ZNF469: variants seen among roughly 807,000 people sequenced by gnomAD.
ZNF469 encodes zinc finger protein 469.
Under a neutral mutation model 1.0 loss-of-function variants are expected in ZNF469, and 1 was observed. That is an observed-to-expected ratio of 1.00 (90% CI 0.35 to 4.73). ZNF469 has a LOEUF of 4.73. Ranked by LOEUF, ZNF469 falls within the 30% of genes most tolerant of loss-of-function variation. ZNF469 has a pLI of 0.16. For missense variants in ZNF469, 6,100 were observed against 5,356.3 expected (o/e 1.14, Z -4.33); for synonymous variants, 2,703 against 2,363.4 (o/e 1.14, Z -4.17).
chr16:88,259,211 T>C, the ZNF469 span, among the ~76,000 whole-genome samples: 1 of 151,956 alleles, frequency 6.6e-6, no homozygotes, highest in Non-Finnish European at 1.5e-5. This position sits in a 1 kb window ranked among gnomAD's most constrained non-coding sequence, Gnocchi z 4.1. Context: ...GGCTTGTGAG[T>C]GGGAAGCAGT....
rs771953783 is a variant in ZNF469 at position 88,439,242 on chromosome 16, G to A, written c.11772G>A (p.Thr3924=). ...AEPAEPHTHR[T]AEAQSDLLSQ... is the part of the protein sequence containing the mutation. ...CTGCCGAGCCACACACCCACCGGACGGCCGAGGCCCAGAGTGACCTCCTCA... is the reference window on the plus strand; with the variant it reads ...CTGCCGAGCCACACACCCACCGGACAGCCGAGGCCCAGAGTGACCTCCTCA... Residue 3924 remains threonine, a synonymous_variant, in exon 3 of 3, where the codon ACG becomes ACA. Coordinates refer to ENST00000565624, the MANE Select transcript of ZNF469 (RefSeq NM_001367624.2). 7.9e-5 allele frequency: 122 copies of A among 1,550,394 alleles called. No individual in the cohort carries two copies. Among genetic ancestry groups the A allele is most frequent in the African/African-American group, 4.7e-4 (34 of 73,070 alleles).
the ZNF469 span, among the ~76,000 whole-genome samples, chr16:88,193,024 GTGA>G: frequency 8.0e-5 from 5 of 62,340 alleles, no homozygotes; most frequent in East Asian, 6.2e-4. Flanking sequence ...GGTGGTGGTG[GTGA>G]TGGTGGTGAT....
the ZNF469 span, among the ~76,000 whole-genome samples, chr16:88,332,330 T>A: frequency 5.9e-5 from 9 of 152,200 alleles, no homozygotes; most frequent in Non-Finnish European, 1.3e-4. Flanking sequence ...TGACACCGTC[T>A]GTGTGGGGAG....
chr16:88,238,647 A>G, the ZNF469 span, among the ~76,000 whole-genome samples: 18 of 152,300 alleles, frequency 1.2e-4, no homozygotes, highest in Non-Finnish European at 2.2e-4. Flanking sequence ...TATATATCTG[A>G]GAACATTCAG....
chr16:88,313,998 G>C, the ZNF469 span, among the ~76,000 whole-genome samples: 10 of 148,558 alleles, frequency 6.7e-5, no homozygotes, highest in African/African-American at 2.0e-4. Flanking sequence ...GATGATGCTG[G>C]TGTGGACTGT....
chr16:88,368,859 A>G, the ZNF469 span, among the ~76,000 whole-genome samples: 1 of 152,098 alleles, frequency 6.6e-6, no homozygotes, highest in Non-Finnish European at 1.5e-5. Flanking sequence ...CAGGCAAATC[A>G]CTTGAGGTCA....
chr16:88,240,905 G>A, the ZNF469 span, among the ~76,000 whole-genome samples: 3 of 152,268 alleles, frequency 2.0e-5, no homozygotes, highest in Admixed American at 6.5e-5. Context: ...CTCAGTGGGG[G>A]TAAGAGACAC....
the ZNF469 span, among the ~76,000 whole-genome samples, chr16:88,287,682 C>G: frequency 6.6e-6 from 1 of 152,220 alleles, no homozygotes; most frequent in African/African-American, 2.4e-5. Flanking sequence ...GTCCAGCCCC[C>G]ACCCCCAGTA....
Position 88,436,179 on chromosome 16 carries a change from G to A in ZNF469, c.8709G>A (p.Leu2903=). 1 of 1,547,722 alleles carries A rather than the reference G, an allele frequency of 6.5e-7. No individual in the cohort carries two copies. Among genetic ancestry groups the A allele is most frequent in the Non-Finnish European group, 8.7e-7 (1 of 1,146,934 alleles). Residue 2903 remains leucine (L), a synonymous_variant, in exon 3 of 3, where the codon CTG becomes CTA. Transcript: ENST00000565624. ...TTGAGGAGGGCGGTGACCCCACGCT[G>A]GGCCCAGCCCGCCTGCCCACGGACC... is the stretch of plus-strand genomic sequence containing the variant. ...PSFEEGGDPT[L]GPARLPTDLS... is the part of the protein sequence containing the mutation.
chr16:88,371,181 G>T, the ZNF469 span, among the ~76,000 whole-genome samples: 36 of 152,362 alleles, frequency 2.4e-4, no homozygotes, highest in East Asian at 5.8e-3. Context: ...CACTGATAGA[G>T]CATCCCACAG....
chr16:88,147,333 CG>C, the ZNF469 span, among the ~76,000 whole-genome samples: 12 of 152,178 alleles, frequency 7.9e-5, no homozygotes, highest in African/African-American at 2.9e-4. Flanking sequence ...TGGAGTCCCA[CG>C]TCGACCTCTG....
chr16:88,167,303 C>CA, the ZNF469 span, among the ~76,000 whole-genome samples: 1 of 152,054 alleles, frequency 6.6e-6, no homozygotes, highest in African/African-American at 2.4e-5. Flanking sequence ...TTCAGGTGAT[C>CA]CGCCCGCCTC....
chr16:88,185,922 ACT>A, the ZNF469 span, among the ~76,000 whole-genome samples: 25 of 152,006 alleles, frequency 1.6e-4, no homozygotes, highest in South Asian at 4.2e-4. Context: ...ACACATTCAC[ACT>A]CTCACACATG....
At chr16:88,332,425 T>C in the ZNF469 span, among the ~76,000 whole-genome samples, 1 of 152,174 alleles carries the variant, frequency 6.6e-6, no homozygotes, top group Non-Finnish European at 1.5e-5. Flanking sequence ...CTGTGCCGGC[T>C]CTCCTGGCAG....
the ZNF469 span, among the ~76,000 whole-genome samples, chr16:88,220,564 G>C: frequency 6.6e-6 from 1 of 152,190 alleles, no homozygotes; most frequent in South Asian, 2.1e-4. Context: ...TGAGCCCCTG[G>C]AGCAAACTGA....
At chr16:88,356,538 G>A in the ZNF469 span, among the ~76,000 whole-genome samples, 1 of 152,000 alleles carries the variant, frequency 6.6e-6, no homozygotes, top group Non-Finnish European at 1.5e-5. Flanking sequence ...GTGTGCCTGT[G>A]TGTGTTGACG....
the ZNF469 span, among the ~76,000 whole-genome samples, chr16:88,342,841 C>T: frequency 0.011 from 1,628 of 152,362 alleles, 31 homozygotes; most frequent in African/African-American, 0.037. Flanking sequence ...GGGCGATACC[C>T]GTCAAGCCCT....
In ZNF469 at chr16:88,433,157, C is replaced by T; in HGVS notation, c.5687C>T (p.Pro1896Leu). The T allele has an allele frequency of 1.3e-6, 2 of 1,550,364 alleles. No individual in the cohort carries two copies. The highest frequency in any genetic ancestry group is 1.7e-6 in the Non-Finnish European group (2 of 1,146,952). The change falls in exon 3 of 3, where the codon CCA becomes CTA. Residue 1896 changes from proline to leucine, a missense_variant. By Grantham distance (98) the Pro-to-Leu change is moderately conservative. Transcript: ENST00000565624. ...NTHPSRRSQD[P>L]ALSPPIRQLQ... ...CACCCTAGCAGGAGGTCCCAGGACC[C>T]AGCTTTGAGCCCCCCCATACGTCAG... is the stretch of plus-strand genomic sequence containing the variant.
intron 1 of ZNF469, among the ~76,000 whole-genome samples, chr16:88,416,588 G>A (rs1046145958): frequency 1.2e-4 from 18 of 152,248 alleles, no homozygotes; most frequent in Non-Finnish European, 2.1e-4. Flanking sequence ...ACTGAAAGAA[G>A]CCACTTCAGA....
Sources: gnomAD v4.1 joint callset for allele counts (sites outside exome capture counted in the v4.1 genomes callset) on GRCh38, gnomAD v4.1.1 for gene constraint, Gnocchi (gnomAD v3.1) non-coding constraint, MANE v1.5 for transcripts, NCBI Gene and HGNC (gene_info 2026-07-23, HGNC 2026-07-21) for gene names.